Variants in EVI5 observed in about 807,000 individuals in gnomAD.
EVI5 encodes ecotropic viral integration site 5 protein homolog.
Under a neutral mutation model 112.0 loss-of-function variants are expected in EVI5, and 73 were observed. That is an observed-to-expected ratio of 0.65 (90% confidence interval 0.54 to 0.79). The LOEUF (loss-of-function observed/expected upper bound fraction) is 0.79. Ranked by LOEUF, EVI5 falls within the 30% of genes least tolerant of loss-of-function variation. EVI5 has a pLI of 0.00. For synonymous variants in EVI5, 305 were observed against 319.9 expected (o/e 0.95, Z 0.50); for missense variants, 900 against 968.8 (o/e 0.93, Z 0.94).
intron 19 of EVI5, among the ~76,000 whole-genome samples, chr1:92,521,615 C>T (rs967344418): frequency 1.3e-5 from 2 of 151,426 alleles, no homozygotes; most frequent in African/African-American, 2.4e-5. Flanking sequence ...CACTTGAACC[C>T]AGAAGGCGGA....
At chr1:92,603,549 AT>A (rs1469066304) in intron 18 of EVI5, among the ~76,000 whole-genome samples, 1 of 152,062 alleles carries the variant, frequency 6.6e-6, no homozygotes, top group Non-Finnish European at 1.5e-5. Flanking sequence ...CTATAACATT[AT>A]AAAAAATGGT....
At chr1:92,553,837 A>C (rs1475126206) in intron 19 of EVI5, among the ~76,000 whole-genome samples, 1 of 152,242 alleles carries the variant, frequency 6.6e-6, no homozygotes, top group African/African-American at 2.4e-5. Flanking sequence ...AGATTTAAAA[A>C]AATTAATCTG....
At chr1:92,577,673 A>G (rs1671290103) in intron 18 of EVI5, among the ~76,000 whole-genome samples, 1 of 152,218 alleles carries the variant, frequency 6.6e-6, no homozygotes. Context: ...CTGGGAAAGC[A>G]TAGGGTTAGT....
chr1:92,694,221 C>T lies in EVI5; in HGVS notation c.999+78G>A, dbSNP rs181957595. On this transcript the variant is annotated intron_variant, in intron 8 of 19. Transcript: ENST00000684568. The stretch of plus-strand genomic sequence containing the variant: ...CAGAGGTTGCAGTGAGCCAAGATCA[C>T]GCCACTGCACTCCAGCCTGGGCAAC... 2.5e-4 allele frequency: 205 copies of T among 808,722 alleles called. 2 individuals are homozygous for T. The highest frequency in any genetic ancestry group is 2.1e-3 in the East Asian group (82 of 38,924). 50.1% of individuals were successfully genotyped at this position (808,722 alleles called of 1,614,324 possible).
intron 2 of EVI5, among the ~76,000 whole-genome samples, chr1:92,722,989 G>C (rs926217953): frequency 6.6e-6 from 1 of 152,138 alleles, no homozygotes; most frequent in Admixed American, 6.6e-5. Context: ...TCTATCACCA[G>C]GTTTGCATGA....
intron 10 of EVI5, among the ~76,000 whole-genome samples, chr1:92,670,900 T>C (rs1034136473): frequency 6.6e-6 from 1 of 152,202 alleles, no homozygotes; most frequent in African/African-American, 2.4e-5. Context: ...CATGCTAGCA[T>C]ACTAAGTTAC....
chr1:92,635,103 T>C (rs1658466672), intron 14 of EVI5, among the ~76,000 whole-genome samples: 1 of 152,166 alleles, frequency 6.6e-6, no homozygotes, highest in Admixed American at 6.5e-5. Flanking sequence ...GGGGGGTGCC[T>C]CCCAGTTAGG....
intron 9 of EVI5, among the ~76,000 whole-genome samples, chr1:92,689,197 T>C (rs1431439700): frequency 1.3e-5 from 2 of 152,178 alleles, no homozygotes; most frequent in East Asian, 3.8e-4. Flanking sequence ...GACTACAAAT[T>C]AGTGTCACTT....
intron 16 of EVI5, among the ~76,000 whole-genome samples, chr1:92,614,840 T>A (rs1287457239): frequency 7.9e-5 from 1 of 12,612 alleles, no homozygotes; most frequent in Non-Finnish European, 1.3e-4. Context: ...ATGTTATATT[T>A]TATATATATA....
In EVI5 at chr1:92,610,411, T is replaced by C. The variant is rs141510031; in HGVS notation, c.1828-2684A>G. Among the ~76,000 whole-genome samples, 319 of 152,294 alleles carry C rather than the reference T, an allele frequency of 2.1e-3. 2 individuals are homozygous for C. The highest frequency in any genetic ancestry group is 6.8e-3 in the Middle Eastern group (2 of 294). ...AACACAAGACCATAATTCAACATTA[T>C]GGTTGATAAATAATACACATAAAAC... On this transcript the variant is annotated intron_variant, in intron 16 of 19. Transcript: ENST00000684568.
At chr1:92,704,141 C>T (rs1671624346) in intron 3 of EVI5, among the ~76,000 whole-genome samples, 1 of 151,856 alleles carries the variant, frequency 6.6e-6, no homozygotes, top group Non-Finnish European at 1.5e-5. Flanking sequence ...AAGACCCTAT[C>T]TCTACAAAAA....
intron 13 of EVI5, among the ~76,000 whole-genome samples, chr1:92,658,067 T>C (rs768019246): frequency 1.3e-5 from 2 of 152,166 alleles, no homozygotes; most frequent in Non-Finnish European, 2.9e-5. Context: ...AGCCATATCA[T>C]AGGCATTGAA....
Position 92,509,212 on chromosome 1 carries a change from A to C in EVI5, c.*4444T>G, listed in dbSNP as rs1659039434. 6.6e-6 allele frequency: 1 copy of C among 152,636 alleles called. No homozygotes were observed. Among genetic ancestry groups the C allele is most frequent in the African/African-American group, 2.4e-5 (1 of 41,454 alleles). 9.5% of individuals were successfully genotyped at this position (152,636 alleles called of 1,614,324 possible). On this transcript the variant is annotated 3_prime_UTR_variant, in exon 20 of 20. Coordinates refer to ENST00000684568, the MANE Select transcript of EVI5 (RefSeq NM_001350197.2). ...AAAAGATAAATGAGAATAAGGAACTAAATTATTTCTTACGATGTCAGAAAT... is the reference window on the plus strand; with the variant it reads ...AAAAGATAAATGAGAATAAGGAACTCAATTATTTCTTACGATGTCAGAAAT...
At chr1:92,738,984 C>A (rs967855267) in intron 1 of EVI5, among the ~76,000 whole-genome samples, 20 of 151,820 alleles carry the variant, frequency 1.3e-4, no homozygotes, top group African/African-American at 4.8e-4. Flanking sequence ...AAAAAGTGAA[C>A]ATACTGGCCG....
intron 19 of EVI5, among the ~76,000 whole-genome samples, chr1:92,543,105 T>C (rs1665095982): frequency 6.6e-6 from 1 of 152,230 alleles, no homozygotes; most frequent in African/African-American, 2.4e-5. Context: ...AGCCAGATAT[T>C]GACTTCTCTG....
intron 13 of EVI5, among the ~76,000 whole-genome samples, chr1:92,662,115 T>G (rs1664119530): frequency 6.6e-6 from 1 of 152,138 alleles, no homozygotes; most frequent in Admixed American, 6.5e-5. Context: ...TAATTAGAAA[T>G]ACACCCTAGG....
intron 14 of EVI5, among the ~76,000 whole-genome samples, chr1:92,626,889 G>A (rs950293285): frequency 5.3e-5 from 8 of 151,964 alleles, no homozygotes; most frequent in African/African-American, 1.9e-4. Flanking sequence ...TTTTTGAGAG[G>A]CATCAAATCT....
At chr1:92,693,943 G>C (rs1669901549) in intron 8 of EVI5, 44 bp from the exon 9 acceptor site, 2 of 1,134,468 alleles carry the variant, frequency 1.8e-6, no homozygotes, top group Non-Finnish European at 1.3e-6. Context: ...ACTTAGTGCT[G>C]TTAATAGTGA....
At chr1:92,736,666 A>G in intron 1 of EVI5, 39 bp from the exon 2 acceptor site, 13 of 1,263,866 alleles carry the variant, frequency 1.0e-5, no homozygotes, top group Non-Finnish European at 1.5e-5. Flanking sequence ...CTTTAGTTAC[A>G]CTGTATTCAT....
Sources: gnomAD v4.1 joint callset for allele counts (sites outside exome capture counted in the v4.1 genomes callset) on GRCh38, gnomAD v4.1.1 for gene constraint, MANE v1.5 for transcripts, NCBI Gene and HGNC (gene_info 2026-07-23, HGNC 2026-07-21) for gene names.